Variants in KANSL1 observed in about 807,000 individuals in gnomAD.
The protein encoded by KANSL1 is KAT8 regulatory NSL complex subunit 1.
KANSL1 carries 22 observed loss-of-function variants against 103.6 expected under a neutral mutation model. That is an observed-to-expected ratio of 0.21 (90% CI 0.15 to 0.30). KANSL1 has a LOEUF of 0.30. Ranked by LOEUF, KANSL1 falls within the 10% of genes least tolerant of loss-of-function variation. KANSL1 has a pLI of 1.00. For synonymous variants in KANSL1, 600 were observed against 527.6 expected, an observed-to-expected ratio of 1.14 and a Z score of -1.88; for missense variants, 1,337 against 1,399.8, an observed-to-expected ratio of 0.96 and a Z score of 0.72.
intron 2 of KANSL1, among the ~76,000 whole-genome samples, chr17:46,113,636 T>TAAA (rs11307173): frequency 6.8e-6 from 1 of 147,630 alleles, no homozygotes. Flanking sequence ...TGAGTTGGAC[T>TAAA]AAAAAAAAAA....
At chr17:46,121,894 C>T (rs538588628) in intron 2 of KANSL1, among the ~76,000 whole-genome samples, 15 of 152,282 alleles carry the variant, frequency 9.9e-5, no homozygotes, top group South Asian at 4.1e-4. Flanking sequence ...CCTACCTTAA[C>T]GTGCTCAGAA....
chr17:46,172,062 T>C lies in KANSL1; in HGVS notation c.82A>G (p.Thr28Ala), dbSNP rs765632680. The C allele has an allele frequency of 8.7e-6, 14 of 1,613,988 alleles. No individual in the cohort carries two copies. The highest frequency in any genetic ancestry group is 1.2e-5 in the Non-Finnish European group (14 of 1,180,032). The change falls in exon 2 of 15, where the codon ACC becomes GCC. Residue 28 changes from threonine to alanine, a missense_variant. Thr to Ala is a moderately conservative substitution (Grantham distance 58). This residue lies in a region of KANSL1 where 557 missense variants were observed against 476.4 expected (regional missense o/e 1.17). Transcript: ENST00000432791. ...IRFKLAPPSS[T>A]LSPGSAENNG... ...TTTTCGGCACTGCCAGGGGACAAGG[T>C]AGAGGATGGGGGAGCCAGTTTGAAC...
intron 1 of KANSL1, among the ~76,000 whole-genome samples, chr17:46,190,512 G>C (rs1001302736): frequency 6.6e-6 from 1 of 152,206 alleles, no homozygotes; most frequent in Admixed American, 6.5e-5. Flanking sequence ...CATATAGATG[G>C]AAAGACCGAA....
At chr17:46,188,331 G>A (rs1473385979) in intron 1 of KANSL1, among the ~76,000 whole-genome samples, 1 of 152,242 alleles carries the variant, frequency 6.6e-6, no homozygotes, top group Non-Finnish European at 1.5e-5. Context: ...GTACTGATGA[G>A]GGAAACTTAT....
chr17:46,185,767 A>T (rs1157731875), intron 1 of KANSL1, among the ~76,000 whole-genome samples: 1 of 151,472 alleles, frequency 6.6e-6, no homozygotes, highest in Non-Finnish European at 1.5e-5. Context: ...CATGCCTGTA[A>T]TACCAGCTAC....
At chr17:46,046,901 C>G (rs897262045) in intron 7 of KANSL1, among the ~76,000 whole-genome samples, 12 of 147,084 alleles carry the variant, frequency 8.2e-5, no homozygotes, top group African/African-American at 3.0e-4. Context: ...GAGAAGAGTA[C>G]TACAAACTTT....
intron 2 of KANSL1, among the ~76,000 whole-genome samples, chr17:46,098,288 C>A (rs1289856304): frequency 6.6e-6 from 1 of 152,000 alleles, no homozygotes; most frequent in African/African-American, 2.4e-5. Context: ...AGATTCCTTT[C>A]ATTCCTAAAA....
At position 46,094,709 on chromosome 17, in the gene KANSL1, G is replaced by A; in HGVS notation, c.1290-8C>T. ...CATTCTGACCTGCGTCTCCTAAAAG[G>A]AAATAAACTGAGTGAAATCCAAGAG... On this transcript the variant is annotated splice_region_variant and splice_polypyrimidine_tract_variant and intron_variant, in intron 2 of 14. Transcript: ENST00000432791. 6.2e-7 allele frequency: 1 copy of A among 1,614,048 alleles called. No individual in the cohort carries two copies. The highest frequency in any genetic ancestry group is 8.5e-7 in the Non-Finnish European group (1 of 1,180,002).
intron 2 of KANSL1, among the ~76,000 whole-genome samples, chr17:46,122,491 T>C (rs1236031081): frequency 1.3e-5 from 2 of 152,212 alleles, no homozygotes; most frequent in African/African-American, 4.8e-5. Flanking sequence ...TACCACGAGA[T>C]TAACTGGCTG....
At chr17:46,052,962 TCCAAAAAAAAAAAAAAAAAA>T (rs1398324405) in intron 6 of KANSL1, among the ~76,000 whole-genome samples, 1 of 19,808 alleles carries the variant, frequency 5.0e-5, no homozygotes, top group African/African-American at 2.4e-4. Flanking sequence ...AGATCCTGTC[TCCAAAAAAAAAAAAAAAAAA>T]AAAAAAAAAA....
At chr17:46,164,922 C>G (rs2045920075) in intron 2 of KANSL1, among the ~76,000 whole-genome samples, 1 of 152,168 alleles carries the variant, frequency 6.6e-6, no homozygotes, top group African/African-American at 2.4e-5. Flanking sequence ...TTCCTCCCAA[C>G]CCACCACTTT....
chr17:46,121,417 G>C (rs1055289024), intron 2 of KANSL1: 2 of 152,256 alleles, frequency 1.3e-5, no homozygotes, highest in Non-Finnish European at 2.9e-5. Context: ...GATTACTTCA[G>C]GCAGTCTCTG....
intron 2 of KANSL1, among the ~76,000 whole-genome samples, chr17:46,153,785 G>C: frequency 6.6e-6 from 1 of 152,176 alleles, no homozygotes. Flanking sequence ...GAGAAACTAA[G>C]ACAATCTGAC....
intron 4 of KANSL1, among the ~76,000 whole-genome samples, chr17:46,079,085 C>G (rs1242081528): frequency 6.6e-6 from 1 of 152,198 alleles, no homozygotes; most frequent in African/African-American, 2.4e-5. Flanking sequence ...TTCCCTTTCT[C>G]TAACCCACTA....
chr17:46,050,870 TAA>T (rs2077688656), intron 6 of KANSL1, among the ~76,000 whole-genome samples, 166 bp from the exon 7 acceptor site: 1 of 152,230 alleles, frequency 6.6e-6, no homozygotes, highest in African/African-American at 2.4e-5. Flanking sequence ...ATTAGTTTGT[TAA>T]AAGATTTCCA....
chr17:46,100,400 C>T (rs1383954932), intron 2 of KANSL1, among the ~76,000 whole-genome samples: 2 of 150,970 alleles, frequency 1.3e-5, no homozygotes, highest in African/African-American at 2.4e-5. Context: ...AGACCACACG[C>T]CACTGCCCTT....
intron 2 of KANSL1, among the ~76,000 whole-genome samples, chr17:46,129,875 G>A (rs917018511): frequency 3.9e-5 from 6 of 152,074 alleles, no homozygotes; most frequent in African/African-American, 1.4e-4. Flanking sequence ...CTCCTTAATA[G>A]TGACCATACA....
At chr17:46,039,507 A>G in intron 8 of KANSL1, 195 bp downstream of exon 8, 1 of 652,450 alleles carries the variant, frequency 1.5e-6, no homozygotes, top group Non-Finnish European at 2.5e-6. Context: ...TCCAAGATCC[A>G]TGGTGTCTAG....
At chr17:46,090,761 A>G (rs2079352190) in intron 3 of KANSL1, among the ~76,000 whole-genome samples, 1 of 152,262 alleles carries the variant, frequency 6.6e-6, no homozygotes. Context: ...TAAGATTTTA[A>G]TACAGCTGAA....
Sources: allele counts gnomAD v4.1 joint callset (sites outside exome capture counted in the v4.1 genomes callset), GRCh38; gene constraint gnomAD v4.1.1; regional missense constraint gnomAD v4.1.1; transcripts MANE v1.5; gene names NCBI Gene and HGNC (gene_info 2026-07-23, HGNC 2026-07-21).